ULK4: variants seen among roughly 807,000 people sequenced by gnomAD.
The protein encoded by ULK4 is unc-51 like kinase 4.
Under a neutral mutation model 160.6 loss-of-function variants are expected in ULK4, and 133 were observed. The observed-to-expected ratio is 0.83, with a 90% confidence interval of 0.72 to 0.96. The LOEUF (loss-of-function observed/expected upper bound fraction) is 0.96, where lower values mean the gene tolerates loss of function less well. ULK4 is among the 40% of genes least tolerant of loss of function. The probability of loss-of-function intolerance (pLI) is 0.00; values close to 1 mark genes in which losing one functional copy is unlikely to be tolerated. For synonymous variants in ULK4, 534 were observed against 539.8 expected (o/e 0.99, Z 0.15); for missense variants, 1,580 against 1,499.5 (o/e 1.05, Z -0.89).
At chr3:41,897,526 T>C (rs1217361828) in intron 14 of ULK4, among the ~76,000 whole-genome samples, 1 of 152,148 alleles carries the variant, frequency 6.6e-6, no homozygotes, top group African/African-American at 2.4e-5. Flanking sequence ...AAAATTAACA[T>C]ATTTTTGGCT....
intron 31 of ULK4, among the ~76,000 whole-genome samples, chr3:41,574,406 T>G (rs1287715383): frequency 6.6e-6 from 1 of 152,048 alleles, no homozygotes; most frequent in Non-Finnish European, 1.5e-5. Flanking sequence ...CCCTCTTGCA[T>G]CTATCCTCTG....
At chr3:41,301,181 T>TGA (rs1009345484) in intron 35 of ULK4, among the ~76,000 whole-genome samples, 3 of 152,006 alleles carry the variant, frequency 2.0e-5, no homozygotes, top group African/African-American at 7.2e-5. Context: ...TAGTCAAGAC[T>TGA]GAGAGCCCAG....
At chr3:41,494,292 T>C (rs1384776036) in intron 32 of ULK4, among the ~76,000 whole-genome samples, 3 of 109,268 alleles carry the variant, frequency 2.7e-5, no homozygotes, top group African/African-American at 9.9e-5. Context: ...AATCAATCAA[T>C]GTAATCCAGC....
chr3:41,369,871 T>C (rs2081328158), intron 35 of ULK4, among the ~76,000 whole-genome samples: 1 of 151,892 alleles, frequency 6.6e-6, no homozygotes, highest in South Asian at 2.1e-4. Context: ...ATACTTTGTG[T>C]ACTGAATTAA....
chr3:41,930,245 T>A (rs2148821198), intron 5 of ULK4, among the ~76,000 whole-genome samples: 2 of 116,700 alleles, frequency 1.7e-5, no homozygotes, highest in Non-Finnish European at 4.1e-5. Flanking sequence ...ATTTCCTATT[T>A]AATAGGAAAT....
At chr3:41,685,662 T>C (rs573844943) in intron 27 of ULK4, among the ~76,000 whole-genome samples, 1 of 152,324 alleles carries the variant, frequency 6.6e-6, no homozygotes. Flanking sequence ...CTGACCTGCA[T>C]ACCTACCCTT....
intron 9 of ULK4, 111 bp from the exon 10 acceptor site, chr3:41,911,770 A>G: frequency 1.3e-6 from 1 of 785,160 alleles, no homozygotes; most frequent in Non-Finnish European, 2.1e-6. Flanking sequence ...GACATTTAGC[A>G]AAGTTACAGA....
chr3:41,573,371 G>A (rs1417132382), intron 31 of ULK4, among the ~76,000 whole-genome samples: 2 of 152,180 alleles, frequency 1.3e-5, no homozygotes, highest in Non-Finnish European at 2.9e-5. Context: ...TTTCACCGTA[G>A]ACAGGGCATT....
intron 32 of ULK4, among the ~76,000 whole-genome samples, chr3:41,562,192 G>A (rs2087607398): frequency 6.6e-6 from 1 of 152,214 alleles, no homozygotes; most frequent in East Asian, 1.9e-4. Flanking sequence ...TCCTAATCCT[G>A]AGTTCTAATT....
chr3:41,418,692 T>C (rs1164894838), intron 34 of ULK4, among the ~76,000 whole-genome samples: 1 of 151,782 alleles, frequency 6.6e-6, no homozygotes, highest in Admixed American at 6.6e-5. Context: ...GAGGATGAGG[T>C]AGAGTTTTGC....
At chr3:41,341,572 A>G in intron 35 of ULK4, among the ~76,000 whole-genome samples, 1 of 152,178 alleles carries the variant, frequency 6.6e-6, no homozygotes, top group Non-Finnish European at 1.5e-5. Flanking sequence ...GCTAAATCCA[A>G]CCTGTGGGCT....
At chr3:41,657,778 T>C (rs2034993980) in intron 30 of ULK4, among the ~76,000 whole-genome samples, 2 of 140,646 alleles carry the variant, frequency 1.4e-5, no homozygotes, top group Non-Finnish European at 3.0e-5. Flanking sequence ...ATCACACCAC[T>C]GCACTGCAGC....
chr3:41,843,087 T>C (rs569180955), intron 17 of ULK4, among the ~76,000 whole-genome samples: 1 of 152,178 alleles, frequency 6.6e-6, no homozygotes, highest in South Asian at 2.1e-4. Context: ...TAGAAGAAAA[T>C]ATAGGATAAC....
At chr3:41,381,125 C>T (rs1391371774) in intron 35 of ULK4, among the ~76,000 whole-genome samples, 1 of 152,158 alleles carries the variant, frequency 6.6e-6, no homozygotes, top group Admixed American at 6.5e-5. Flanking sequence ...ACTCCCATTC[C>T]CCAGCTCACT....
intron 21 of ULK4, among the ~76,000 whole-genome samples, chr3:41,755,136 G>A (rs1038681407): frequency 2.6e-5 from 4 of 152,054 alleles, no homozygotes; most frequent in African/African-American, 4.8e-5. Flanking sequence ...ACACACACAT[G>A]GTTAACGAAT....
At chr3:41,461,605 C>T (rs1559619930) in intron 33 of ULK4, among the ~76,000 whole-genome samples, 1 of 152,154 alleles carries the variant, frequency 6.6e-6, no homozygotes, top group Admixed American at 6.5e-5. Flanking sequence ...CAATAAAAAA[C>T]AGTGATCTAC....
intron 18 of ULK4, among the ~76,000 whole-genome samples, chr3:41,832,048 C>A (rs965435027): frequency 2.6e-5 from 4 of 152,180 alleles, no homozygotes; most frequent in African/African-American, 9.6e-5. Flanking sequence ...GATCTATATT[C>A]CTTTGGGTTT....
intron 31 of ULK4, among the ~76,000 whole-genome samples, chr3:41,607,806 G>T (rs1183189405): frequency 1.3e-5 from 2 of 152,146 alleles, no homozygotes; most frequent in Admixed American, 1.3e-4. Context: ...ATGGGCATAG[G>T]CATGCCTGCA....
At chr3:41,585,629 C>T in intron 31 of ULK4, among the ~76,000 whole-genome samples, 1 of 152,096 alleles carries the variant, frequency 6.6e-6, no homozygotes, top group East Asian at 1.9e-4. Context: ...TGTTATATGA[C>T]ACCAAAAGCA....
Sources: allele counts gnomAD v4.1 joint callset (sites outside exome capture counted in the v4.1 genomes callset), GRCh38; gene constraint gnomAD v4.1.1; transcripts MANE v1.5; gene names NCBI Gene and HGNC (gene_info 2026-07-23, HGNC 2026-07-21).